The following ZNF215 variants were observed in gnomAD, a reference collection of about 807,000 sequenced individuals.
ZNF215 encodes BWSCR2-associated zinc finger protein 2.
In ZNF215, 24 loss-of-function variants were observed where a neutral mutation model predicts 27.2. The observed-to-expected ratio is 0.88, with a 90% CI of 0.64 to 1.24. The LOEUF (loss-of-function observed/expected upper bound fraction) is 1.24, where lower values mean the gene tolerates loss of function less well. ZNF215 is among the 50% of genes most tolerant of loss of function. ZNF215 has a pLI of 0.00. For missense variants in ZNF215, 675 were observed against 605.7 expected (o/e 1.11, Z -1.20); for synonymous variants, 210 against 204.0 (o/e 1.03, Z -0.25).
chr11:6,977,962 A>G (rs1243178616), intron 5 of ZNF215, among the ~76,000 whole-genome samples: 2 of 152,104 alleles, frequency 1.3e-5, no homozygotes, highest in Non-Finnish European at 2.9e-5. Flanking sequence ...AAAGGAAACT[A>G]TAAAGATCAG....
At chr11:6,964,378 GT>G (rs2133324151) in intron 5 of ZNF215, among the ~76,000 whole-genome samples, 1 of 152,066 alleles carries the variant, frequency 6.6e-6, no homozygotes, top group South Asian at 2.1e-4. Flanking sequence ...TCTTCTAGAA[GT>G]TTTAGAGTTT....
intron 2 of ZNF215, among the ~76,000 whole-genome samples, 174 bp downstream of exon 2, chr11:6,927,981 A>G (rs1044843315): frequency 6.6e-6 from 1 of 152,156 alleles, no homozygotes; most frequent in African/African-American, 2.4e-5. Flanking sequence ...TTTGACGTAC[A>G]ATGTTTTTAC....
In ZNF215 at chr11:6,956,480, G is replaced by C; in HGVS notation, c.1503G>C (p.Arg501Ser). Residue 501 changes from arginine (R) to serine (S), a missense_variant, in exon 7 of 7, where the codon AGG becomes AGC. Arg to Ser is a moderately radical substitution (Grantham distance 110). Coordinates refer to ENST00000278319, the MANE Select transcript of ZNF215 (RefSeq NM_013250.4). ...AGGAATGTAGTAAAGCCTTCAACAG[G>C]AGTTCAAACCTTGTTAAACATCAAA... ...KCKECSKAFN[R>S]SSNLVKHQKL... The C allele has an allele frequency of 6.2e-7, 1 of 1,612,312 alleles. No individual in the cohort carries two copies.
downstream of ZNF215, chr11:6,984,702 A>C (rs574099982): frequency 6.6e-6 from 1 of 152,222 alleles, no homozygotes; most frequent in Non-Finnish European, 1.5e-5. Flanking sequence ...ATGATTCCAT[A>C]GTTTGAAAAC....
intron 5 of ZNF215, among the ~76,000 whole-genome samples, chr11:6,974,181 G>T (rs1432081788): frequency 6.6e-6 from 1 of 151,998 alleles, no homozygotes; most frequent in Non-Finnish European, 1.5e-5. Context: ...TTTTTGTCAG[G>T]TTTGTCAAAG....
At chr11:6,949,687 G>T (rs915933494) in intron 6 of ZNF215, among the ~76,000 whole-genome samples, 1 of 152,242 alleles carries the variant, frequency 6.6e-6, no homozygotes, top group African/African-American at 2.4e-5. Context: ...TGGGTTGCCT[G>T]TTCACTCTGA....
At chr11:6,986,151 A>C (rs1029352023), downstream of ZNF215, among the ~76,000 whole-genome samples, 2 of 152,158 alleles carry the variant, frequency 1.3e-5, no homozygotes, top group Non-Finnish European at 2.9e-5. Flanking sequence ...ACAGTAACCA[A>C]AATAGCATGA....
In ZNF215 at chr11:6,956,776, AG is replaced by A. The variant is rs1386598448; in HGVS notation, c.*246del. The A allele has an allele frequency of 1.6e-6, 2 of 1,269,794 alleles. No homozygotes were observed. The highest frequency in any genetic ancestry group is 2.0e-6 in the Non-Finnish European group (2 of 1,010,216). The allele number at this position is 1,269,794 out of a possible 1,614,324, so 78.7% of individuals were successfully genotyped here. ...AGTTAAACCACAGTATCACCATACA[AG>A]TATTTGTTTATCATTATTTTGATAT... On this transcript the variant is annotated 3_prime_UTR_variant, in exon 7 of 7. Coordinates refer to ENST00000278319, the MANE Select transcript of ZNF215 (RefSeq NM_013250.4).
At chr11:6,936,776 T>C (rs909834060) in intron 3 of ZNF215, among the ~76,000 whole-genome samples, 1 of 151,474 alleles carries the variant, frequency 6.6e-6, no homozygotes, top group East Asian at 1.9e-4. Context: ...GTTCAACAAA[T>C]GAAAATATAT....
intron 5 of ZNF215, 85 bp from the exon 6 acceptor site, chr11:6,943,461 G>T: frequency 1.5e-6 from 2 of 1,313,008 alleles, no homozygotes; most frequent in East Asian, 2.3e-5. Context: ...TTACTGTGTC[G>T]GGATAGAATT....
intron 4 of ZNF215, among the ~76,000 whole-genome samples, chr11:6,942,499 T>C (rs10839664): frequency 0.29 from 43,829 of 152,098 alleles, 7,562 homozygotes; most frequent in East Asian, 0.38. Flanking sequence ...AAGGTAATTG[T>C]AGATAGTAAT....
Position 6,943,381 on chromosome 11 carries a change from C to T in ZNF215, c.617-165C>T, listed in dbSNP as rs527472996. On this transcript the variant is annotated intron_variant, in intron 5 of 6. Coordinates refer to ENST00000278319, the MANE Select transcript of ZNF215 (RefSeq NM_013250.4). ...TTTCTGACTCATCTGGATGAAAGTC[C>T]TTTCTGATATTGAGCCAGAGATACA... 2.6e-5 allele frequency among the ~76,000 whole-genome samples: 4 copies of T among 152,246 alleles called. No individual in the cohort carries two copies. In the East Asian group the frequency reaches 7.7e-4, roughly 29 times the overall value.
chr11:6,949,433 T>C (rs957757791), intron 6 of ZNF215, among the ~76,000 whole-genome samples: 11 of 151,966 alleles, frequency 7.2e-5, no homozygotes, highest in Non-Finnish European at 1.3e-4. Context: ...TTTTTAATGA[T>C]CGCCATTCTA....
intron 5 of ZNF215, among the ~76,000 whole-genome samples, chr11:6,981,441 A>G (rs1272896647): frequency 6.6e-6 from 1 of 152,012 alleles, no homozygotes; most frequent in East Asian, 1.9e-4. Context: ...TCCTTCGCCC[A>G]CTTTTTGATG....
chr11:6,988,326 C>A (rs1851081812), downstream of ZNF215: 1 of 896,026 alleles, frequency 1.1e-6, no homozygotes, highest in Non-Finnish European at 1.3e-6. Context: ...GTAAAGTAAG[C>A]CACTCTCATT....
At chr11:6,954,701 C>T (rs148837584) in intron 6 of ZNF215, among the ~76,000 whole-genome samples, 4,645 of 152,314 alleles carry the variant, frequency 0.03, 211 homozygotes, top group African/African-American at 0.11. Flanking sequence ...TGAAGCAATG[C>T]CTCGCCCTGC....
chr11:6,990,447 G>A (rs1488769445), downstream of ZNF215, among the ~76,000 whole-genome samples: 1 of 152,134 alleles, frequency 6.6e-6, no homozygotes, highest in Non-Finnish European at 1.5e-5. Flanking sequence ...CTATTTGCTT[G>A]TGCATGTATT....
intron 5 of ZNF215, among the ~76,000 whole-genome samples, chr11:6,964,041 C>T (rs1317523418): frequency 6.6e-6 from 1 of 151,896 alleles, no homozygotes; most frequent in Non-Finnish European, 1.5e-5. Flanking sequence ...TGTAATAGTA[C>T]CTCATTATCA....
intron 5 of ZNF215, 30 bp from the exon 6 acceptor site, chr11:6,943,516 T>C: frequency 6.4e-7 from 1 of 1,570,850 alleles, no homozygotes; most frequent in Non-Finnish European, 8.7e-7. Flanking sequence ...TGTTTGTTGT[T>C]GTTGTTCTTT....
Sources: gnomAD v4.1 joint callset for allele counts (sites outside exome capture counted in the v4.1 genomes callset) on GRCh38, gnomAD v4.1.1 for gene constraint, MANE v1.5 for transcripts, NCBI Gene and HGNC (gene_info 2026-07-23, HGNC 2026-07-21) for gene names.